Variants in BAZ1A observed in about 807,000 individuals in gnomAD.
The protein encoded by BAZ1A is bromodomain adjacent to zinc finger domain 1A.
BAZ1A carries 50 observed loss-of-function variants against 185.2 expected under a neutral mutation model. The observed-to-expected ratio is 0.27, with a 90% CI of 0.22 to 0.34. The LOEUF (loss-of-function observed/expected upper bound fraction) is 0.34. Ranked by LOEUF, BAZ1A falls within the 10% of genes least tolerant of loss-of-function variation. BAZ1A has a pLI of 1.00. For synonymous variants in BAZ1A, 571 were observed against 615.6 expected (o/e 0.93, Z 1.07); for missense variants, 1,356 against 1,839.9 (o/e 0.74, Z 4.81).
intron 17 of BAZ1A, among the ~76,000 whole-genome samples, chr14:34,779,703 G>A (rs1216489529): frequency 6.6e-6 from 1 of 152,136 alleles, no homozygotes; most frequent in African/African-American, 2.4e-5. Context: ...AGCAATTTAT[G>A]AAATAATTTT....
intron 4 of BAZ1A, among the ~76,000 whole-genome samples, chr14:34,823,429 G>A (rs568432101): frequency 6.6e-6 from 1 of 151,946 alleles, no homozygotes; most frequent in African/African-American, 2.4e-5. Context: ...GGAGGCCAAG[G>A]TGGGTGGATC....
intron 2 of BAZ1A, among the ~76,000 whole-genome samples, chr14:34,865,526 T>C (rs930115035): frequency 1.3e-5 from 2 of 152,168 alleles, no homozygotes; most frequent in African/African-American, 4.8e-5. Context: ...CTCCAAAAAT[T>C]GGGGGCAATT....
Position 34,826,035 on chromosome 14 carries a change from G to C in BAZ1A, c.514C>G (p.Gln172Glu). The C allele has an allele frequency of 6.3e-7, 1 of 1,583,822 alleles. No individual in the cohort carries two copies. The highest frequency in any genetic ancestry group is 1.4e-5 in the African/African-American group (1 of 73,996). ...IISDSDDSETQSCSFQNGKKK... is the reference protein window; with the variant it reads ...IISDSDDSETESCSFQNGKKK... ...TACCCATTTTGAAAAGAACAGCTTT[G>C]TGTTTCTGAATCATCACTATCACTG... Residue 172 changes from glutamine to glutamate, a missense_variant, in exon 4 of 27, where the codon CAA (glutamine) becomes GAA (glutamate). Physicochemically the swap from Gln to Glu is conservative, Grantham distance 29. This residue lies in a region of BAZ1A where 332 missense variants were observed against 395.3 expected (regional missense o/e 0.84). Transcript: ENST00000360310.
intron 4 of BAZ1A, among the ~76,000 whole-genome samples, chr14:34,824,406 C>A (rs1045027715): frequency 4.5e-4 from 11 of 24,398 alleles, no homozygotes; most frequent in East Asian, 7.3e-4. Context: ...AAAGCAGCAA[C>A]TCAAAAAAAA....
At chr14:34,822,740 G>C (rs1397243989) in intron 4 of BAZ1A, among the ~76,000 whole-genome samples, 2 of 152,192 alleles carry the variant, frequency 1.3e-5, no homozygotes, top group African/African-American at 4.8e-5. Flanking sequence ...AATTATGACT[G>C]ATTGCTCCTA....
rs929485412 is a variant in BAZ1A at position 34,791,172 on chromosome 14, T to C, written c.1510+1603A>G. On this transcript the variant is annotated intron_variant, in intron 12 of 26. Coordinates refer to ENST00000360310, the MANE Select transcript of BAZ1A (RefSeq NM_013448.3). ...AAAAGAGAAGAGAAGAGAGTAGTAATGGCAATTCAAACACCAACCATTGCT... is the reference window on the plus strand; with the variant it reads ...AAAAGAGAAGAGAAGAGAGTAGTAACGGCAATTCAAACACCAACCATTGCT... Among the ~76,000 whole-genome samples, 5 of 124,774 alleles carry C rather than the reference T, an allele frequency of 4.0e-5. No individual in the cohort carries two copies. In the East Asian group the frequency reaches 1.2e-3, roughly 29 times the overall value. 81.9% of individuals were successfully genotyped at this position (124,774 alleles called of 152,430 possible).
At chr14:34,780,925 C>T (rs757021393) in intron 16 of BAZ1A, among the ~76,000 whole-genome samples, 1 of 152,074 alleles carries the variant, frequency 6.6e-6, no homozygotes, top group Admixed American at 6.5e-5. Context: ...ATAATAGTAA[C>T]AGATCAGTAG....
intron 23 of BAZ1A, among the ~76,000 whole-genome samples, chr14:34,763,303 CA>C (rs1351801009): frequency 6.6e-6 from 1 of 151,970 alleles, no homozygotes; most frequent in Non-Finnish European, 1.5e-5. Context: ...TTGTTTAAAA[CA>C]GATGGGGTGG....
chr14:34,803,049 G>T, intron 6 of BAZ1A, 61 bp from the exon 7 acceptor site: 1 of 1,481,066 alleles, frequency 6.8e-7, no homozygotes, highest in South Asian at 1.2e-5. Context: ...ATACAGATAT[G>T]CCCTAACATG....
intron 16 of BAZ1A, among the ~76,000 whole-genome samples, chr14:34,780,555 CT>C (rs1376630179): frequency 1.7e-4 from 26 of 152,242 alleles, no homozygotes; most frequent in Non-Finnish European, 3.1e-4. Context: ...GAAACTGACT[CT>C]TAGGGATCAA....
At chr14:34,756,112 TTTC>T (rs1886230549) in intron 25 of BAZ1A, among the ~76,000 whole-genome samples, 1 of 115,498 alleles carries the variant, frequency 8.7e-6, no homozygotes, top group African/African-American at 2.9e-5. Context: ...AACTGGTTTT[TTTC>T]TTTTTTTTTT....
chr14:34,778,697 C>T (rs1413971480), intron 17 of BAZ1A, among the ~76,000 whole-genome samples: 1 of 152,086 alleles, frequency 6.6e-6, no homozygotes, highest in Admixed American at 6.6e-5. Flanking sequence ...TATATCTCAT[C>T]TTTAAATTTC....
intron 3 of BAZ1A, among the ~76,000 whole-genome samples, chr14:34,829,840 C>A (rs1402106160): frequency 6.6e-6 from 1 of 152,140 alleles, no homozygotes; most frequent in Non-Finnish European, 1.5e-5. Context: ...TCTTGATCTC[C>A]TCATACTACC....
In BAZ1A at chr14:34,753,568, G is replaced by A; in HGVS notation, c.4611C>T (p.Val1537=). The A allele has an allele frequency of 1.2e-6, 2 of 1,614,116 alleles. No individual in the cohort carries two copies. The highest frequency in any genetic ancestry group is 1.7e-6 in the Non-Finnish European group (2 of 1,180,034). The change falls in exon 27 of 27, where the codon GTC becomes GTT. Residue 1537 remains valine, a synonymous_variant. Transcript: ENST00000360310. ...TAACTTGGTCCACATTACTGGGTGT[G>A]ACGTGGAGTCCAAGCTTTTGAGCCT... ...HIQAQKLGLH[V]TPSNVDQVST...
At chr14:34,807,877 G>A (rs892640867) in intron 5 of BAZ1A, among the ~76,000 whole-genome samples, 2 of 151,980 alleles carry the variant, frequency 1.3e-5, no homozygotes, top group Admixed American at 6.6e-5. Flanking sequence ...AGGCCGAGGC[G>A]GGTGGATGAC....
intron 25 of BAZ1A, among the ~76,000 whole-genome samples, chr14:34,757,974 C>T (rs1412413390): frequency 4.0e-5 from 6 of 151,384 alleles, no homozygotes; most frequent in African/African-American, 1.5e-4. Context: ...GTCTTGATCT[C>T]CTGACCTCGT....
At chr14:34,852,670 A>G (rs573070293) in intron 3 of BAZ1A, among the ~76,000 whole-genome samples, 14 of 152,338 alleles carry the variant, frequency 9.2e-5, no homozygotes, top group Non-Finnish European at 1.9e-4. Context: ...TGAAATATTA[A>G]TAAGACATCT....
chr14:34,782,824 G>A lies in BAZ1A; in HGVS notation c.2111+295C>T, dbSNP rs374575098. ...TGGGTATCTCTAAATTACTTAAGGT[G>A]CTGTCATCCTCTCCCTATATCATCT... is the stretch of plus-strand genomic sequence containing the variant. On this transcript the variant is annotated intron_variant, in intron 16 of 26. Coordinates refer to ENST00000360310, the MANE Select transcript of BAZ1A (RefSeq NM_013448.3). Among the ~76,000 whole-genome samples, 40 of 152,238 alleles carry A rather than the reference G, an allele frequency of 2.6e-4. No individual in the cohort carries two copies. In the East Asian group the frequency reaches 3.5e-3, roughly 13 times the overall value.
intron 3 of BAZ1A, among the ~76,000 whole-genome samples, chr14:34,832,215 C>CACACACACACACACAT: frequency 1.1e-5 from 1 of 89,666 alleles, no homozygotes. Context: ...CACACACACA[C>CACACACACACACACAT]ATATATATAT....
Sources: allele counts gnomAD v4.1 joint callset (sites outside exome capture counted in the v4.1 genomes callset), GRCh38; gene constraint gnomAD v4.1.1; regional missense constraint gnomAD v4.1.1; transcripts MANE v1.5; gene names NCBI Gene and HGNC (gene_info 2026-07-23, HGNC 2026-07-21).